The following EDA variants were observed in gnomAD, a reference collection of about 807,000 sequenced individuals.
EDA encodes the protein ectodysplasin A, also known as ectodysplasin-A.
A neutral mutation model predicts 23.6 loss-of-function variants in EDA; 2 were observed. That is an observed-to-expected ratio of 0.08 (90% CI 0.03 to 0.27). The LOEUF (loss-of-function observed/expected upper bound fraction) is 0.27, where lower values mean the gene tolerates loss of function less well. Among genes scored for constraint, EDA ranks in the 10% least tolerant of loss-of-function variants. The pLI is 1.00. For missense variants in EDA, 229 were observed against 324.2 expected (o/e 0.71, Z 2.26); for synonymous variants, 131 against 132.0 (o/e 0.99, Z 0.05).
At position 69,989,966 on chromosome X, in the gene EDA, T is replaced by A. The variant is rs183719359; in HGVS notation, c.502+32834T>A. On this transcript the variant is annotated intron_variant, in intron 2 of 7. Transcript: ENST00000374552. Reference sequence around the variant, plus strand: ...TTTTTTTTTTTTTTCATTTTTTGTGTGTTCATAGTTATTCATTGAAGCATT... The same window carrying A: ...TTTTTTTTTTTTTTCATTTTTTGTGAGTTCATAGTTATTCATTGAAGCATT... 2.3e-4 allele frequency among the ~76,000 whole-genome samples: 23 copies of A among 99,605 alleles called. 1 individual carries two copies. The East Asian group carries it at 6.0e-3, about 26-fold the overall frequency. The allele number at this position is 99,605 out of a possible 115,157, so 86.5% of individuals were successfully genotyped here.
chrX:69,620,244 A>C, intron 1 of EDA, among the ~76,000 whole-genome samples: 1 of 112,507 alleles, frequency 8.9e-6, no homozygotes, highest in Middle Eastern at 4.6e-3. Flanking sequence ...GAGGCAAATA[A>C]AGGTAGTATC....
chrX:70,027,808 G>A (rs2020132802), intron 3 of EDA, 49 bp from the exon 4 acceptor site: 2 of 575,914 alleles, frequency 3.5e-6, no homozygotes, highest in Non-Finnish European at 5.9e-6. Context: ...GGGCAACAGA[G>A]CAGGACTCCG....
Position 70,029,002 on chromosome X carries a change from T to C in EDA, c.707-502T>C, listed in dbSNP as rs769634204. Among the ~76,000 whole-genome samples the C allele has an allele frequency of 2.7e-5, 3 of 112,578 alleles. No individual in the cohort carries two copies. The East Asian group carries it at 8.4e-4, about 31-fold the overall frequency. ...GAGTTAGAGATTTTTTTTCAACCAA[T>C]CATTCCTTAAATATTGAGCACTTTC... is the stretch of plus-strand genomic sequence containing the variant. On this transcript the variant is annotated intron_variant, in intron 4 of 7. Coordinates refer to ENST00000374552, the MANE Select transcript of EDA (RefSeq NM_001399.5).
intron 1 of EDA, among the ~76,000 whole-genome samples, chrX:69,874,917 ATAAC>A (rs762741165): frequency 8.9e-6 from 1 of 112,271 alleles, no homozygotes; most frequent in East Asian, 2.8e-4. Flanking sequence ...ACTTAGGAAT[ATAAC>A]TAACCAAGCA....
intron 1 of EDA, among the ~76,000 whole-genome samples, chrX:69,635,769 A>G (rs1036657291): frequency 2.8e-5 from 3 of 109,078 alleles, no homozygotes; most frequent in Non-Finnish European, 5.7e-5. Flanking sequence ...GGGTTTCACC[A>G]TGTTATCCAG....
intron 1 of EDA, among the ~76,000 whole-genome samples, chrX:69,712,265 T>C (rs1242978421): frequency 2.7e-5 from 3 of 111,645 alleles, no homozygotes; most frequent in African/African-American, 9.8e-5. Context: ...CAGTAGTCAT[T>C]CATTCGGAGT....
At chrX:69,955,333 G>A in intron 1 of EDA, among the ~76,000 whole-genome samples, 1 of 111,853 alleles carries the variant, frequency 8.9e-6, no homozygotes, top group Admixed American at 9.5e-5. Context: ...GACAAAAATG[G>A]CAGTTTATTT....
intron 1 of EDA, among the ~76,000 whole-genome samples, chrX:69,784,846 G>C (rs1215727234): frequency 9.1e-6 from 1 of 110,134 alleles, no homozygotes; most frequent in Non-Finnish European, 1.9e-5. Context: ...TTGGTAGCTT[G>C]ATGGGGATGG....
At chrX:70,022,491 C>T (rs2020049310) in intron 2 of EDA, among the ~76,000 whole-genome samples, 1 of 109,187 alleles carries the variant, frequency 9.2e-6, no homozygotes, top group South Asian at 4.0e-4. Flanking sequence ...CGCCCACCAC[C>T]ACGCCCAGCT....
At chrX:69,898,792 CA>C (rs2018057526) in intron 1 of EDA, among the ~76,000 whole-genome samples, 1 of 111,811 alleles carries the variant, frequency 8.9e-6, no homozygotes. Context: ...ACCTTTTGAA[CA>C]AATTTCCTTC....
At chrX:69,795,668 G>C (rs2015523980) in intron 1 of EDA, among the ~76,000 whole-genome samples, 2 of 112,992 alleles carry the variant, frequency 1.8e-5, no homozygotes, top group South Asian at 7.2e-4. Flanking sequence ...GGCCACTGGG[G>C]CTTAGGTGCA....
chrX:69,633,000 C>T (rs1366770357), intron 1 of EDA, among the ~76,000 whole-genome samples: 1 of 111,423 alleles, frequency 9.0e-6, no homozygotes, highest in Non-Finnish European at 1.9e-5. Flanking sequence ...ACTACCCTTT[C>T]CTACTTCTGT....
At chrX:69,696,843 AATAT>A (rs2011363767) in intron 1 of EDA, among the ~76,000 whole-genome samples, 1 of 112,655 alleles carries the variant, frequency 8.9e-6, no homozygotes, top group Admixed American at 9.4e-5. Context: ...AAGATGCCAA[AATAT>A]GTGTACTTTA....
chrX:69,848,220 G>A (rs953836824), intron 1 of EDA, among the ~76,000 whole-genome samples: 1 of 111,660 alleles, frequency 9.0e-6, no homozygotes, highest in Middle Eastern at 4.6e-3. Flanking sequence ...TTCATGAAAA[G>A]TTTACCACAT....
At chrX:69,918,149 CTTT>C (rs71981189) in intron 1 of EDA, among the ~76,000 whole-genome samples, 9,102 of 73,354 alleles carry the variant, frequency 0.12, 1,008 homozygotes, top group East Asian at 0.76. Context: ...CCATCCCCTG[CTTT>C]TTTTTTTTTT....
intron 2 of EDA, among the ~76,000 whole-genome samples, chrX:69,998,002 C>A (rs1041900660): frequency 1.2e-4 from 14 of 112,355 alleles, no homozygotes; most frequent in African/African-American, 4.5e-4. Context: ...TAGGGCAATG[C>A]AGAAGGGAAA....
chrX:69,850,228 G>A (rs902183007), intron 1 of EDA, among the ~76,000 whole-genome samples: 1 of 112,130 alleles, frequency 8.9e-6, no homozygotes, highest in Non-Finnish European at 1.9e-5. Context: ...TTCCACGCAT[G>A]TAGTTGTGGT....
At chrX:69,746,957 G>A (rs1477174565) in intron 1 of EDA, among the ~76,000 whole-genome samples, 1 of 111,293 alleles carries the variant, frequency 9.0e-6, no homozygotes, top group Non-Finnish European at 1.9e-5. Flanking sequence ...TAACACTCTA[G>A]CAGAGGCATC....
chrX:70,009,063 A>G (rs1157937913), intron 2 of EDA, among the ~76,000 whole-genome samples: 7 of 111,856 alleles, frequency 6.3e-5, no homozygotes, highest in Non-Finnish European at 1.3e-4. Context: ...ATTTGTGGGC[A>G]TAGAGTTATT....
Sources: gnomAD v4.1 joint callset for allele counts (sites outside exome capture counted in the v4.1 genomes callset) on GRCh38, gnomAD v4.1.1 for gene constraint, MANE v1.5 for transcripts, NCBI Gene and HGNC (gene_info 2026-07-23, HGNC 2026-07-21) for gene names.